The following RBFOX1 variants were observed in gnomAD, a reference collection of about 807,000 sequenced individuals.
RBFOX1 encodes RNA binding fox-1 homolog 1.
Under a neutral mutation model 57.7 loss-of-function variants are expected in RBFOX1, and 8 were observed. That is an observed-to-expected ratio of 0.14 (90% confidence interval 0.08 to 0.25). RBFOX1 has a LOEUF of 0.25. Among genes scored for constraint, RBFOX1 ranks in the 10% least tolerant of loss-of-function variants. The pLI is 1.00. For synonymous variants in RBFOX1, 326 were observed against 222.4 expected, an observed-to-expected ratio of 1.47 and a Z score of -4.15; for missense variants, 611 against 548.5, an observed-to-expected ratio of 1.11 and a Z score of -1.14.
intron 4 of RBFOX1, among the ~76,000 whole-genome samples, chr16:7,107,003 A>ACG (rs1476776204): frequency 1.3e-5 from 2 of 151,896 alleles, no homozygotes; most frequent in African/African-American, 4.8e-5. Flanking sequence ...ACACACACAC[A>ACG]CACACTAAAT....
Position 7,626,372 on chromosome 16 carries a change from G to A in RBFOX1, c.677-4231G>A, listed in dbSNP as rs144945131. Among the ~76,000 whole-genome samples, 267 of 152,318 alleles carry A rather than the reference G, an allele frequency of 1.8e-3. 1 individual carries two copies. The highest frequency in any genetic ancestry group is 6.2e-3 in the African/African-American group (256 of 41,576). On this transcript the variant is annotated intron_variant, in intron 10 of 15. Transcript: ENST00000550418. ...GTTCCGATGCCCCATCTGAGACCTT[G>A]GCACTGGCTTACTCCCTTCCTCACT...
At chr16:5,314,344 C>A (rs918801748) in intron 1 of RBFOX1, among the ~76,000 whole-genome samples, 1 of 152,102 alleles carries the variant, frequency 6.6e-6, no homozygotes, top group Non-Finnish European at 1.5e-5. Context: ...GTGGTAGACC[C>A]GTGCCCCATG....
intron 4 of RBFOX1, among the ~76,000 whole-genome samples, chr16:7,358,700 G>C (rs577077153): frequency 2.6e-5 from 4 of 152,184 alleles, no homozygotes; most frequent in African/African-American, 9.7e-5. Flanking sequence ...GATTACAAGC[G>C]TGAACCACTG....
At chr16:6,698,858 A>G (rs142208694) in intron 3 of RBFOX1, among the ~76,000 whole-genome samples, 281 of 152,226 alleles carry the variant, frequency 1.8e-3, no homozygotes, top group African/African-American at 6.5e-3. Context: ...TCTAGTTAAT[A>G]TGACCTTGGA....
chr16:6,056,370 T>C (rs1391590762), intron 1 of RBFOX1, among the ~76,000 whole-genome samples: 7 of 152,202 alleles, frequency 4.6e-5, no homozygotes, highest in African/African-American at 1.7e-4. Context: ...ATGAGTGTAA[T>C]ACCTGTTTTC....
intron 4 of RBFOX1, among the ~76,000 whole-genome samples, chr16:7,303,279 G>T (rs968956855): frequency 1.3e-5 from 2 of 152,220 alleles, no homozygotes; most frequent in African/African-American, 4.8e-5. Context: ...TCTGCTGGGG[G>T]GCGCAGAAAC....
chr16:7,414,227 A>T (rs933110606), intron 4 of RBFOX1, among the ~76,000 whole-genome samples: 4 of 152,230 alleles, frequency 2.6e-5, no homozygotes, highest in African/African-American at 9.6e-5. Flanking sequence ...AGGGATACAG[A>T]AATGGACAAA....
chr16:5,680,578 G>A (rs2050302842), intron 3 of RBFOX1, among the ~76,000 whole-genome samples: 1 of 152,188 alleles, frequency 6.6e-6, no homozygotes, highest in African/African-American at 2.4e-5. Context: ...AGACAGACCT[G>A]TTGGAGGCAT....
chr16:6,931,053 T>C (rs1414935236), intron 3 of RBFOX1, among the ~76,000 whole-genome samples: 2 of 152,130 alleles, frequency 1.3e-5, no homozygotes, highest in African/African-American at 4.8e-5. Context: ...TTGGTTTGTT[T>C]TTCATTGCTG....
At chr16:7,153,234 G>A (rs977045840) in intron 4 of RBFOX1, among the ~76,000 whole-genome samples, 13 of 151,940 alleles carry the variant, frequency 8.6e-5, no homozygotes, top group Non-Finnish European at 1.8e-4. Context: ...CTTTGAGTCT[G>A]GTAATGTCTC....
chr16:7,255,831 TGACAGCAC>T (rs2094655522), intron 4 of RBFOX1, among the ~76,000 whole-genome samples: 1 of 152,238 alleles, frequency 6.6e-6, no homozygotes, highest in Non-Finnish European at 1.5e-5. Flanking sequence ...ATTTTTATAC[TGACAGCAC>T]GTCTCATTTC....
chr16:6,359,535 T>G (rs771918786), intron 2 of RBFOX1, among the ~76,000 whole-genome samples: 3 of 152,198 alleles, frequency 2.0e-5, no homozygotes, highest in African/African-American at 4.8e-5. Flanking sequence ...CCCAAAATGT[T>G]AATTCTTTTG....
At chr16:6,270,719 C>T (rs2075110577) in intron 1 of RBFOX1, among the ~76,000 whole-genome samples, 1 of 152,156 alleles carries the variant, frequency 6.6e-6, no homozygotes, top group Non-Finnish European at 1.5e-5. Context: ...CATTATCCAT[C>T]AACGAGGACT....
chr16:5,428,780 G>A (rs565897855), intron 1 of RBFOX1, among the ~76,000 whole-genome samples: 4 of 152,302 alleles, frequency 2.6e-5, no homozygotes, highest in Admixed American at 2.0e-4. Context: ...AACTTGCTAT[G>A]TAACAATTTG....
At chr16:7,095,231 G>A (rs373031773) in intron 4 of RBFOX1, among the ~76,000 whole-genome samples, 1 of 152,122 alleles carries the variant, frequency 6.6e-6, no homozygotes, top group African/African-American at 2.4e-5. Context: ...CCGCCTCCCA[G>A]GTTCAAACGA....
intron 4 of RBFOX1, among the ~76,000 whole-genome samples, chr16:7,086,890 A>G (rs974504056): frequency 6.6e-6 from 1 of 152,136 alleles, no homozygotes; most frequent in Non-Finnish European, 1.5e-5. Context: ...GATTTGCTGA[A>G]TTGGCACACA....
intron 3 of RBFOX1, among the ~76,000 whole-genome samples, chr16:5,649,755 T>C (rs1567345865): frequency 6.6e-6 from 1 of 152,236 alleles, no homozygotes; most frequent in Non-Finnish European, 1.5e-5. Context: ...AAGGCCATCA[T>C]GTACAACTCG....
intron 4 of RBFOX1, among the ~76,000 whole-genome samples, chr16:7,098,509 A>G (rs2062078128): frequency 6.6e-6 from 1 of 152,234 alleles, no homozygotes; most frequent in Non-Finnish European, 1.5e-5. Flanking sequence ...TGTAAAATTA[A>G]GCCAAAGATA....
chr16:6,797,634 C>A (rs114898242), intron 3 of RBFOX1, among the ~76,000 whole-genome samples: 145 of 152,228 alleles, frequency 9.5e-4, no homozygotes, highest in African/African-American at 3.3e-3. Context: ...ATACTGGGCA[C>A]TGTATCTGTT....
Sources: gnomAD v4.1 joint callset for allele counts (sites outside exome capture counted in the v4.1 genomes callset) on GRCh38, gnomAD v4.1.1 for gene constraint, MANE v1.5 for transcripts, NCBI Gene and HGNC (gene_info 2026-07-23, HGNC 2026-07-21) for gene names.